Variants in AGTPBP1 observed in about 807,000 individuals in gnomAD.
The protein encoded by AGTPBP1 is ATP/GTP binding carboxypeptidase 1.
AGTPBP1 carries 70 observed loss-of-function variants against 143.9 expected under a neutral mutation model. The ratio of observed to expected loss-of-function variants is 0.49; its 90% CI spans 0.40 to 0.59. The LOEUF (loss-of-function observed/expected upper bound fraction) is 0.59, where lower values mean the gene tolerates loss of function less well. Among genes scored for constraint, AGTPBP1 ranks in the 20% least tolerant of loss-of-function variants. The pLI, the probability that AGTPBP1 is intolerant of heterozygous loss-of-function variation, is 0.00. For synonymous variants in AGTPBP1, 463 were observed against 500.2 expected, an observed-to-expected ratio of 0.93 and a Z score of 0.99; for missense variants, 1,229 against 1,464.5, an observed-to-expected ratio of 0.84 and a Z score of 2.62.
intron 25 of AGTPBP1, among the ~76,000 whole-genome samples, chr9:85,550,448 A>G (rs1587605157): frequency 6.6e-6 from 1 of 152,188 alleles, no homozygotes; most frequent in East Asian, 1.9e-4. Context: ...GTCCCTTCTC[A>G]ATGGTAATCA....
chr9:85,561,833 A>AT (rs763799341), intron 25 of AGTPBP1, among the ~76,000 whole-genome samples: 6,933 of 139,966 alleles, frequency 0.05, 380 homozygotes, highest in African/African-American at 0.14. Context: ...TAAAAGTACA[A>AT]TTTTTTTTTT....
At chr9:85,658,152 C>T (rs982664007) in intron 9 of AGTPBP1, among the ~76,000 whole-genome samples, 1 of 151,994 alleles carries the variant, frequency 6.6e-6, no homozygotes, top group African/African-American at 2.4e-5. Flanking sequence ...AAATTAATTG[C>T]TCTAATTACT....
chr9:85,719,773 T>C (rs1165314990), intron 1 of AGTPBP1, among the ~76,000 whole-genome samples: 1 of 152,226 alleles, frequency 6.6e-6, no homozygotes, highest in African/African-American at 2.4e-5. Flanking sequence ...TTTTTGCCCA[T>C]CCAGTATGAT....
At chr9:85,596,980 C>T (rs1318213835) in intron 17 of AGTPBP1, among the ~76,000 whole-genome samples, 3 of 152,072 alleles carry the variant, frequency 2.0e-5, no homozygotes, top group Non-Finnish European at 4.4e-5. Context: ...TCCACATGAA[C>T]TTTAAAATCA....
chr9:85,744,538 TA>T (rs1414248500), upstream of AGTPBP1, among the ~76,000 whole-genome samples: 3 of 152,170 alleles, frequency 2.0e-5, no homozygotes, highest in African/African-American at 4.8e-5. Flanking sequence ...GTGAGTGAAG[TA>T]GAATTTGTTA....
At chr9:85,705,555 CAAT>C (rs1836932157) in intron 2 of AGTPBP1, among the ~76,000 whole-genome samples, 1 of 152,008 alleles carries the variant, frequency 6.6e-6, no homozygotes, top group African/African-American at 2.4e-5. Flanking sequence ...AGTGATAAGA[CAAT>C]GATACTATAT....
chr9:85,606,715 T>C (rs895914454), intron 17 of AGTPBP1, among the ~76,000 whole-genome samples: 1 of 151,952 alleles, frequency 6.6e-6, no homozygotes. Flanking sequence ...TGAAATACAA[T>C]GTGGCCATAA....
chr9:85,763,532 A>G, the AGTPBP1 span, among the ~76,000 whole-genome samples: 2 of 151,666 alleles, frequency 1.3e-5, no homozygotes, highest in Non-Finnish European at 1.5e-5. Flanking sequence ...TGATCATTTC[A>G]TACTAGATAG....
At chr9:85,774,895 T>C in the AGTPBP1 span, among the ~76,000 whole-genome samples, 2 of 152,346 alleles carry the variant, frequency 1.3e-5, no homozygotes, top group South Asian at 2.1e-4. Flanking sequence ...TCACACATCA[T>C]TACATTCAAA....
intron 1 of AGTPBP1, among the ~76,000 whole-genome samples, chr9:85,715,269 T>G (rs1384689672): frequency 1.4e-5 from 2 of 147,498 alleles, no homozygotes; most frequent in Non-Finnish European, 3.0e-5. Context: ...AAAAAAGAAA[T>G]AAAGCAAACA....
Position 85,729,685 on chromosome 9 carries a change from C to CA in AGTPBP1, c.-34+12089dup, listed in dbSNP as rs879314041. ...ATACATAAGAAACACAACTCAATAG[C>CA]AAAAAAAAAAAGAATGACCCAATTA... On this transcript the variant is annotated intron_variant, in intron 1 of 25. Transcript: ENST00000357081. Among the ~76,000 whole-genome samples the CA allele has an allele frequency of 1.5e-3, 211 of 139,148 alleles. 1 individual carries two copies. Among genetic ancestry groups the CA allele is most frequent in the South Asian group, 7.0e-3 (31 of 4,410 alleles). The allele number at this position is 139,148 out of a possible 152,430, so 91.3% of individuals were successfully genotyped here. A position where few individuals can be genotyped will look rare whatever the true frequency, so the allele number is the denominator to read the frequency against.
At chr9:85,715,705 C>A (rs1315248701) in intron 1 of AGTPBP1, among the ~76,000 whole-genome samples, 1 of 152,130 alleles carries the variant, frequency 6.6e-6, no homozygotes, top group Non-Finnish European at 1.5e-5. Flanking sequence ...ATTACTGAAG[C>A]CTGAAGCCAG....
rs71505763 is a variant in AGTPBP1 at position 85,728,030 on chromosome 9, T to TATAC, written c.-34+13744_-34+13745insGTAT. 3.8e-3 allele frequency among the ~76,000 whole-genome samples: 490 copies of TATAC among 128,416 alleles called. 12 individuals carry two copies. Among genetic ancestry groups the TATAC allele is most frequent in the African/African-American group, 0.013 (453 of 34,766 alleles). 84.2% of individuals were successfully genotyped at this position (128,416 alleles called of 152,430 possible). A position where few individuals can be genotyped will look rare whatever the true frequency, so the allele number is the denominator to read the frequency against. ...CCGTGTCTCAAAATATATATTTATA[T>TATAC]ACACACACACACACACACACACACA... On this transcript the variant is annotated intron_variant, in intron 1 of 25. Transcript: ENST00000357081.
the AGTPBP1 span, among the ~76,000 whole-genome samples, chr9:85,804,695 C>T: frequency 6.6e-6 from 1 of 152,196 alleles, no homozygotes. Context: ...TTGGGTAAGT[C>T]ACTTAACTTC....
At chr9:85,651,759 C>T (rs1321307248) in intron 11 of AGTPBP1, among the ~76,000 whole-genome samples, 1 of 152,158 alleles carries the variant, frequency 6.6e-6, no homozygotes, top group Non-Finnish European at 1.5e-5. Context: ...CCCTTTCCTT[C>T]AAATCTCCAT....
intron 14 of AGTPBP1, among the ~76,000 whole-genome samples, chr9:85,621,573 T>C (rs1830940678): frequency 6.6e-6 from 1 of 151,326 alleles, no homozygotes; most frequent in Admixed American, 6.6e-5. Flanking sequence ...CCTTTCTACA[T>C]AGAAATGGTG....
Position 85,672,732 on chromosome 9 carries a change from A to ATTT in AGTPBP1, c.437-54_437-52dup, listed in dbSNP as rs35158140. ...TATGCACATACAACTTTTCTTTTTA[A>ATTT]TTTTTTTTTTTTTTTTTTTTGAGAC... On this transcript the variant is annotated intron_variant, in intron 6 of 25. Transcript: ENST00000357081. 5.5e-3 allele frequency: 5,045 copies of ATTT among 916,410 alleles called. 17 individuals carry two copies. The highest frequency in any genetic ancestry group is 0.036 in the East Asian group (916 of 25,122). The allele number at this position is 916,410 out of a possible 1,614,324, so 56.8% of individuals were successfully genotyped here.
At chr9:85,687,656 T>C (rs1423923054) in intron 3 of AGTPBP1, among the ~76,000 whole-genome samples, 2 of 151,996 alleles carry the variant, frequency 1.3e-5, no homozygotes, top group Non-Finnish European at 2.9e-5. Context: ...TAGAACATAT[T>C]GTCAACTGAA....
At chr9:85,776,575 C>T in the AGTPBP1 span, among the ~76,000 whole-genome samples, 15 of 152,202 alleles carry the variant, frequency 9.9e-5, no homozygotes, top group Non-Finnish European at 1.6e-4. Flanking sequence ...CTTGCATACT[C>T]TTTCTTACCT....
Sources: gnomAD v4.1 joint callset for allele counts (sites outside exome capture counted in the v4.1 genomes callset) on GRCh38, gnomAD v4.1.1 for gene constraint, MANE v1.5 for transcripts, NCBI Gene and HGNC (gene_info 2026-07-23, HGNC 2026-07-21) for gene names.